The following PLXNA4 variants were observed in gnomAD, a reference collection of about 807,000 sequenced individuals.
PLXNA4 encodes plexin A4.
Under a neutral mutation model 191.8 loss-of-function variants are expected in PLXNA4, and 44 were observed. The ratio of observed to expected loss-of-function variants is 0.23; its 90% confidence interval spans 0.18 to 0.29. The LOEUF (loss-of-function observed/expected upper bound fraction) is 0.29. PLXNA4 is among the 10% of genes least tolerant of loss of function. The pLI, the probability that PLXNA4 is intolerant of heterozygous loss-of-function variation, is 1.00. For synonymous variants in PLXNA4, 1,082 were observed against 1,009.5 expected, an observed-to-expected ratio of 1.07 and a Z score of -1.36; for missense variants, 1,800 against 2,488.8, an observed-to-expected ratio of 0.72 and a Z score of 5.89.
chr7:132,539,422 G>A (rs1397357687), intron 1 of PLXNA4, among the ~76,000 whole-genome samples: 3 of 152,174 alleles, frequency 2.0e-5, no homozygotes, highest in African/African-American at 7.2e-5. Context: ...GCAACACCTG[G>A]GAACTTATCA....
intron 1 of PLXNA4, among the ~76,000 whole-genome samples, chr7:132,511,692 G>A (rs1434453282): frequency 2.6e-5 from 4 of 152,158 alleles, no homozygotes; most frequent in Non-Finnish European, 1.5e-5. Context: ...GATTAAAATA[G>A]GATTAGAAAG....
intron 3 of PLXNA4, among the ~76,000 whole-genome samples, chr7:132,354,515 CATT>C (rs899273914): frequency 1.3e-5 from 2 of 152,146 alleles, no homozygotes; most frequent in African/African-American, 2.4e-5. Flanking sequence ...AATGCATCAT[CATT>C]ATCATCAGCG....
At chr7:132,184,894 G>A (rs1444607062) in intron 16 of PLXNA4, among the ~76,000 whole-genome samples, 1 of 152,076 alleles carries the variant, frequency 6.6e-6, no homozygotes, top group African/African-American at 2.4e-5. Context: ...CTGACTACAG[G>A]GAGTAGTCAG....
intron 3 of PLXNA4, among the ~76,000 whole-genome samples, chr7:132,465,002 C>G (rs1293321365): frequency 6.6e-6 from 1 of 152,230 alleles, no homozygotes; most frequent in Admixed American, 6.5e-5. Context: ...GGCTGTCACT[C>G]AGAGCCTGAC....
intron 3 of PLXNA4, among the ~76,000 whole-genome samples, chr7:132,420,988 T>C (rs1295043707): frequency 2.6e-5 from 4 of 152,250 alleles, no homozygotes; most frequent in Non-Finnish European, 5.9e-5. Flanking sequence ...GTCTCAGGTA[T>C]GTCTTTATCA....
intron 3 of PLXNA4, among the ~76,000 whole-genome samples, chr7:132,310,975 C>G (rs1030426421): frequency 1.3e-5 from 2 of 152,166 alleles, no homozygotes; most frequent in African/African-American, 2.4e-5. Flanking sequence ...ACTCCTCATC[C>G]CCTTGGGAAG....
intron 3 of PLXNA4, among the ~76,000 whole-genome samples, chr7:132,370,282 T>A (rs1430954562): frequency 2.0e-5 from 3 of 152,120 alleles, no homozygotes; most frequent in African/African-American, 4.8e-5. Flanking sequence ...ACCACTGTGT[T>A]ATCACAGATG....
At chr7:132,322,184 C>CTTTTTTTTTTTTGTTTTTTTTTTTT (rs1802196072) in intron 3 of PLXNA4, among the ~76,000 whole-genome samples, 1 of 122,520 alleles carries the variant, frequency 8.2e-6, no homozygotes. Flanking sequence ...CCTAAAAGGG[C>CTTTTTTTTTTTTGTTTTTTTTTTTT]TTTTTTTTTT....
chr7:132,311,685 C>T (rs1472439836), intron 3 of PLXNA4, among the ~76,000 whole-genome samples: 1 of 152,310 alleles, frequency 6.6e-6, no homozygotes, highest in East Asian at 1.9e-4. Flanking sequence ...CACATCTCTC[C>T]AGCACAGACA....
intron 1 of PLXNA4, among the ~76,000 whole-genome samples, chr7:132,550,796 C>T (rs1800527712): frequency 5.0e-5 from 1 of 19,960 alleles, no homozygotes; most frequent in African/African-American, 9.1e-5. Flanking sequence ...ACCTATAGTC[C>T]CTCATCCAAT....
chr7:132,292,400 C>G (rs146308795), intron 4 of PLXNA4, among the ~76,000 whole-genome samples: 1 of 152,268 alleles, frequency 6.6e-6, no homozygotes, highest in East Asian at 1.9e-4. Context: ...GAGGAACATT[C>G]CTCAGGGGCA....
chr7:132,275,057 T>A (rs1800220678), intron 4 of PLXNA4, among the ~76,000 whole-genome samples: 1 of 152,186 alleles, frequency 6.6e-6, no homozygotes, highest in Non-Finnish European at 1.5e-5. Context: ...TCAGGGTCAA[T>A]ACTTTGAGAC....
chr7:132,351,222 T>G (rs1013146267), intron 3 of PLXNA4, among the ~76,000 whole-genome samples: 5 of 152,258 alleles, frequency 3.3e-5, no homozygotes, highest in African/African-American at 1.2e-4. Context: ...GTGATGGTTG[T>G]GCAACTCTGT....
chr7:132,545,752 G>GT (rs1800274754), intron 1 of PLXNA4, among the ~76,000 whole-genome samples: 1 of 152,218 alleles, frequency 6.6e-6, no homozygotes, highest in Non-Finnish European at 1.5e-5. Flanking sequence ...GTTAAGAAGT[G>GT]TAATAGGGTA....
At chr7:132,140,456 T>G in intron 30 of PLXNA4, 143 bp downstream of exon 30, 1 of 1,219,872 alleles carries the variant, frequency 8.2e-7, no homozygotes, top group Non-Finnish European at 1.1e-6. Context: ...CTTGGGGGTG[T>G]GGGTGTTGCA....
chr7:132,494,767 CAG>C (rs1257726271), intron 2 of PLXNA4, among the ~76,000 whole-genome samples: 1 of 152,218 alleles, frequency 6.6e-6, no homozygotes, highest in Non-Finnish European at 1.5e-5. Context: ...TCCCACTCTG[CAG>C]AGAGATTGGC....
At chr7:132,148,797 G>A (rs1795509575) in intron 25 of PLXNA4, 151 bp from the exon 26 acceptor site, 3 of 1,290,610 alleles carry the variant, frequency 2.3e-6, no homozygotes, top group Admixed American at 5.4e-5. Context: ...GAGTGCCAAA[G>A]CTCTCAACGC....
At chr7:132,263,490 G>A (rs955073257) in intron 4 of PLXNA4, among the ~76,000 whole-genome samples, 1 of 152,192 alleles carries the variant, frequency 6.6e-6, no homozygotes, top group East Asian at 1.9e-4. Flanking sequence ...CGGTAAAATA[G>A]GGGTAAGAAA....
chr7:132,518,732 G>A (rs1307620507), intron 1 of PLXNA4, among the ~76,000 whole-genome samples: 4 of 152,190 alleles, frequency 2.6e-5, no homozygotes, highest in Non-Finnish European at 5.9e-5. Context: ...TTTGGACCCA[G>A]CCTGGAAGAA....
Sources: gnomAD v4.1 joint callset for allele counts (sites outside exome capture counted in the v4.1 genomes callset) on GRCh38, gnomAD v4.1.1 for gene constraint, MANE v1.5 for transcripts, NCBI Gene and HGNC (gene_info 2026-07-23, HGNC 2026-07-21) for gene names.